MGAT4C: variants seen among roughly 807,000 people sequenced by gnomAD.
The protein encoded by MGAT4C is alpha-1,3-mannosyl-glycoprotein 4-beta-N-acetylglucosaminyltransferase C.
MGAT4C carries 19 observed loss-of-function variants against 40.1 expected under a neutral mutation model. The observed-to-expected ratio is 0.47, with a 90% confidence interval of 0.33 to 0.70. MGAT4C has a LOEUF of 0.70. Ranked by LOEUF, MGAT4C falls within the 30% of genes least tolerant of loss-of-function variation. MGAT4C has a pLI of 0.02. For synonymous variants in MGAT4C, 181 were observed against 187.1 expected (o/e 0.97, Z 0.27); for missense variants, 491 against 563.2 (o/e 0.87, Z 1.30).
intron 1 of MGAT4C, among the ~76,000 whole-genome samples, chr12:86,061,568 T>C (rs1213616430): frequency 6.6e-6 from 1 of 151,734 alleles, no homozygotes; most frequent in Non-Finnish European, 1.5e-5. Context: ...GGGAGCCAAG[T>C]GGACTGGCTT....
In MGAT4C at chr12:86,183,544, C is replaced by T. The variant is rs11831338; in HGVS notation, c.-57+72695G>A. Among the ~76,000 whole-genome samples the T allele has an allele frequency of 9.5e-3, 1,440 of 152,190 alleles. 18 individuals carry two copies. The highest frequency in any genetic ancestry group is 0.033 in the African/African-American group (1,356 of 41,520). On this transcript the variant is annotated intron_variant, in intron 1 of 4. Transcript: ENST00000611864. Reference sequence around the variant, plus strand: ...AATAGCAATTAGTTTGATCAATTTGCCATTGTTTTAATCAGCTCAGGCTAC... The same window carrying T: ...AATAGCAATTAGTTTGATCAATTTGTCATTGTTTTAATCAGCTCAGGCTAC...
intron 2 of MGAT4C, among the ~76,000 whole-genome samples, chr12:86,450,491 T>C (rs943172024): frequency 5.3e-5 from 8 of 152,132 alleles, no homozygotes; most frequent in Non-Finnish European, 1.2e-4. Context: ...TAAGAGTGAA[T>C]AGAAGTTCTT....
rs543157389 is a variant in MGAT4C at position 86,580,258 on chromosome 12, A to G, written c.-228-144993T>C. ...ACCTACACCTCTCCCTATCATACCT[A>G]CATGCTATATTTTCTCTAGGCACTT... On this transcript the variant is annotated intron_variant, in intron 2 of 7. Coordinates refer to the MGAT4C transcript ENST00000548651. Among the ~76,000 whole-genome samples the G allele has an allele frequency of 1.5e-4, 23 of 151,486 alleles. No individual in the cohort carries two copies. The Admixed American group carries it at 1.5e-3, about 10-fold the overall frequency.
chr12:86,579,019 A>G (rs1199584756), intron 2 of MGAT4C, among the ~76,000 whole-genome samples: 1 of 151,398 alleles, frequency 6.6e-6, no homozygotes, highest in Non-Finnish European at 1.5e-5. Context: ...CATTGAATAC[A>G]TTTTTTCATA....
chr12:86,741,425 C>T (rs1467491076), intron 1 of MGAT4C, among the ~76,000 whole-genome samples: 2 of 151,164 alleles, frequency 1.3e-5, no homozygotes, highest in Admixed American at 1.3e-4. Context: ...AAATAACACA[C>T]TGAATGTAGT....
chr12:86,033,624 G>A (rs1890960421), intron 2 of MGAT4C, among the ~76,000 whole-genome samples: 1 of 149,738 alleles, frequency 6.7e-6, no homozygotes, highest in South Asian at 2.1e-4. Flanking sequence ...CTTTGCTGAA[G>A]TTGTTTATCA....
chr12:86,354,629 A>G (rs1430579590), intron 3 of MGAT4C, among the ~76,000 whole-genome samples: 1 of 152,256 alleles, frequency 6.6e-6, no homozygotes, highest in African/African-American at 2.4e-5. Context: ...GACAAAGGAA[A>G]GAATTAGTGA....
chr12:86,830,759 G>A (rs1206157096), intron 1 of MGAT4C, among the ~76,000 whole-genome samples: 3 of 142,168 alleles, frequency 2.1e-5, no homozygotes, highest in Non-Finnish European at 4.7e-5. Flanking sequence ...AAACAAACTT[G>A]TCACAGGTAG....
At chr12:86,692,479 G>C (rs556580473) in intron 2 of MGAT4C, among the ~76,000 whole-genome samples, 12 of 152,048 alleles carry the variant, frequency 7.9e-5, no homozygotes, top group Non-Finnish European at 1.3e-4. Context: ...TAAACTCAAA[G>C]ACTCAATTTT....
intron 4 of MGAT4C, among the ~76,000 whole-genome samples, chr12:86,270,429 C>T (rs1156692352): frequency 6.6e-6 from 1 of 152,146 alleles, no homozygotes; most frequent in Non-Finnish European, 1.5e-5. Flanking sequence ...TACCTTTCTC[C>T]TTCCAGCCCC....
chr12:86,111,909 A>G (rs1427489018), intron 1 of MGAT4C, among the ~76,000 whole-genome samples: 1 of 151,866 alleles, frequency 6.6e-6, no homozygotes, highest in African/African-American at 2.4e-5. Flanking sequence ...CTGAATGTGT[A>G]TCACCAGTCA....
chr12:86,399,363 C>A (rs976194173), intron 3 of MGAT4C, among the ~76,000 whole-genome samples: 1 of 151,688 alleles, frequency 6.6e-6, no homozygotes. Flanking sequence ...CTCACAGCAA[C>A]CTCCGCCTCC....
rs568318222 is a variant in MGAT4C, at chr12:86,710,799, G to A, written c.-229+16410C>T. ...GGAACCAACTTAACTGCCCATCAAC[G>A]AACGAGTGGATGAAGAACATGTGGT... On this transcript the variant is annotated intron_variant, in intron 2 of 7. Coordinates refer to the MGAT4C transcript ENST00000548651. 5.3e-5 allele frequency among the ~76,000 whole-genome samples: 8 copies of A among 152,190 alleles called. No homozygotes were observed. In the East Asian group the frequency reaches 1.4e-3, roughly 26 times the overall value.
chr12:86,272,459 T>C (rs1174082328), intron 4 of MGAT4C, among the ~76,000 whole-genome samples: 5 of 152,202 alleles, frequency 3.3e-5, no homozygotes, highest in Non-Finnish European at 7.3e-5. Flanking sequence ...TTGTTAAGAT[T>C]TGTATTATTT....
chr12:86,282,932 C>A (rs183387293), intron 4 of MGAT4C, among the ~76,000 whole-genome samples: 38 of 152,176 alleles, frequency 2.5e-4, no homozygotes, highest in Non-Finnish European at 5.1e-4. Flanking sequence ...TGTCTTCTAG[C>A]ACTATGAAAC....
intron 1 of MGAT4C, among the ~76,000 whole-genome samples, chr12:86,051,845 G>C (rs1892925868): frequency 6.6e-6 from 1 of 151,396 alleles, no homozygotes; most frequent in Non-Finnish European, 1.5e-5. Flanking sequence ...TCTCCTTTCT[G>C]AAGCATTATT....
chr12:86,714,774 A>AAAGGAAGG (rs71445060), intron 2 of MGAT4C, among the ~76,000 whole-genome samples: 14,276 of 141,342 alleles, frequency 0.1, 879 homozygotes, highest in East Asian at 0.17. Context: ...TGGAAGGGAA[A>AAAGGAAGG]AAGGAAGGAA....
At chr12:85,994,479 T>G (rs1034814414) in intron 2 of MGAT4C, among the ~76,000 whole-genome samples, 1 of 152,076 alleles carries the variant, frequency 6.6e-6, no homozygotes, top group African/African-American at 2.4e-5. Flanking sequence ...AAAATAAATG[T>G]CATTTATTAA....
chr12:86,718,346 T>A (rs926644537), intron 2 of MGAT4C, among the ~76,000 whole-genome samples: 2 of 152,214 alleles, frequency 1.3e-5, no homozygotes, highest in Non-Finnish European at 2.9e-5. Flanking sequence ...ATCAATTATT[T>A]TGTTCATGAA....
Sources: allele counts gnomAD v4.1 joint callset (sites outside exome capture counted in the v4.1 genomes callset), GRCh38; gene constraint gnomAD v4.1.1; transcripts MANE v1.5; gene names NCBI Gene and HGNC (gene_info 2026-07-23, HGNC 2026-07-21).